The following NELL1 variants were observed in gnomAD, a reference collection of about 807,000 sequenced individuals.
NELL1 encodes the protein neural EGFL like 1.
NELL1 carries 76 observed loss-of-function variants against 107.4 expected under a neutral mutation model. The ratio of observed to expected loss-of-function variants is 0.71; its 90% CI spans 0.59 to 0.86. The LOEUF is 0.86. Among genes scored for constraint, NELL1 ranks in the 40% least tolerant of loss-of-function variants. The probability of loss-of-function intolerance (pLI) is 0.00; values close to 1 mark genes in which losing one functional copy is unlikely to be tolerated. For synonymous variants in NELL1, 353 were observed against 341.2 expected (o/e 1.03, Z -0.38); for missense variants, 1,024 against 1,005.5 (o/e 1.02, Z -0.25).
At chr11:21,248,944 G>C (rs747844744) in intron 14 of NELL1, among the ~76,000 whole-genome samples, 5 of 152,098 alleles carry the variant, frequency 3.3e-5, no homozygotes, top group Non-Finnish European at 5.9e-5. Flanking sequence ...CAGGGAAGAG[G>C]CTGTCTGAGG....
intron 2 of NELL1, among the ~76,000 whole-genome samples, chr11:20,696,617 A>G (rs1035704783): frequency 6.6e-6 from 1 of 152,134 alleles, no homozygotes; most frequent in Admixed American, 6.6e-5. Flanking sequence ...TATAGGTTGT[A>G]AGGAGTGGAC....
chr11:20,975,602 T>TATAA, intron 12 of NELL1, among the ~76,000 whole-genome samples: 1 of 143,786 alleles, frequency 7.0e-6, no homozygotes, highest in African/African-American at 2.6e-5. Flanking sequence ...ATATAATGTA[T>TATAA]TATATATACA....
chr11:21,234,345 G>A (rs1479863579), intron 14 of NELL1, among the ~76,000 whole-genome samples: 1 of 152,132 alleles, frequency 6.6e-6, no homozygotes, highest in Non-Finnish European at 1.5e-5. Flanking sequence ...TTTAGGCTTG[G>A]GGATATTTTT....
At chr11:21,522,581 G>GA (rs1855752867) in intron 15 of NELL1, among the ~76,000 whole-genome samples, 1 of 151,984 alleles carries the variant, frequency 6.6e-6, no homozygotes, top group Non-Finnish European at 1.5e-5. Flanking sequence ...GGTGGGAGGG[G>GA]AGGTGGATGA....
intron 2 of NELL1, among the ~76,000 whole-genome samples, chr11:20,707,102 T>G (rs1854983824): frequency 6.6e-6 from 1 of 152,224 alleles, no homozygotes; most frequent in Non-Finnish European, 1.5e-5. Flanking sequence ...TCGCTTCATT[T>G]CATTCATTTG....
chr11:20,970,938 T>C (rs1851487831), intron 12 of NELL1, among the ~76,000 whole-genome samples: 2 of 152,188 alleles, frequency 1.3e-5, no homozygotes, highest in Admixed American at 1.3e-4. Flanking sequence ...AGTTGTTGTC[T>C]CGATGAATTT....
chr11:21,019,031 T>C (rs1280268297), intron 12 of NELL1, among the ~76,000 whole-genome samples: 1 of 152,024 alleles, frequency 6.6e-6, no homozygotes, highest in African/African-American at 2.4e-5. Context: ...AAAGCTCTAC[T>C]CCCCTGCGGA....
chr11:21,423,366 A>G (rs1372013462), intron 15 of NELL1, among the ~76,000 whole-genome samples: 1 of 151,424 alleles, frequency 6.6e-6, no homozygotes, highest in Admixed American at 6.6e-5. Context: ...GAGACTTCAT[A>G]AAAAAAATTA....
chr11:21,083,270 G>T (rs1035925243), intron 12 of NELL1, among the ~76,000 whole-genome samples: 10 of 152,164 alleles, frequency 6.6e-5, no homozygotes, highest in African/African-American at 2.2e-4. Flanking sequence ...CAGATTGCTG[G>T]GTGTGTGTTA....
At chr11:21,007,617 C>T (rs1309345676) in intron 12 of NELL1, among the ~76,000 whole-genome samples, 1 of 151,898 alleles carries the variant, frequency 6.6e-6, no homozygotes, top group Non-Finnish European at 1.5e-5. Flanking sequence ...AGAAACAAGG[C>T]AGCCAGATTC....
chr11:21,393,592 G>A (rs1170682454), intron 15 of NELL1, among the ~76,000 whole-genome samples: 7 of 151,630 alleles, frequency 4.6e-5, no homozygotes, highest in African/African-American at 1.7e-4. Context: ...TCAAAAAACA[G>A]GGATTTAGTG....
intron 15 of NELL1, among the ~76,000 whole-genome samples, chr11:21,518,577 C>T (rs2133952842): frequency 6.6e-6 from 1 of 152,222 alleles, no homozygotes; most frequent in East Asian, 1.9e-4. Flanking sequence ...AAGCATCATT[C>T]AGAATAGAAT....
chr11:21,486,036 G>A (rs928062616), intron 15 of NELL1, among the ~76,000 whole-genome samples: 33 of 151,960 alleles, frequency 2.2e-4, no homozygotes, highest in Admixed American at 1.8e-3. Flanking sequence ...CTGGGGTTCC[G>A]GTGGGTTGCC....
At chr11:20,993,910 AAT>A (rs1196922221) in intron 12 of NELL1, among the ~76,000 whole-genome samples, 2 of 147,534 alleles carry the variant, frequency 1.4e-5, no homozygotes, top group African/African-American at 2.5e-5. Context: ...AAAAAAAAAA[AAT>A]CAGTACGAAT....
chr11:21,331,329 A>G (rs1263426798), intron 14 of NELL1, among the ~76,000 whole-genome samples: 1 of 151,964 alleles, frequency 6.6e-6, no homozygotes, highest in Non-Finnish European at 1.5e-5. Flanking sequence ...AATATAATGT[A>G]GCAGTGTCCC....
chr11:21,257,594 A>G (rs1348334904), intron 14 of NELL1, among the ~76,000 whole-genome samples: 1 of 152,028 alleles, frequency 6.6e-6, no homozygotes, highest in Non-Finnish European at 1.5e-5. Flanking sequence ...GAGGGGAAGT[A>G]AAGGTGAACT....
intron 12 of NELL1, among the ~76,000 whole-genome samples, chr11:21,041,297 TAACAC>T (rs1465216780): frequency 6.6e-6 from 1 of 152,210 alleles, no homozygotes; most frequent in Non-Finnish European, 1.5e-5. Context: ...CGCTTTGAGT[TAACAC>T]AACATAGTTA....
chr11:21,562,184 C>A (rs1856865519), intron 17 of NELL1, among the ~76,000 whole-genome samples: 1 of 152,020 alleles, frequency 6.6e-6, no homozygotes, highest in African/African-American at 2.4e-5. Context: ...ACTTACTAAT[C>A]ATTGAAAATT....
chr11:20,721,179 G>GTATATATATATATATATATATATATATA (rs1368182153), intron 2 of NELL1, among the ~76,000 whole-genome samples: 54 of 31,942 alleles, frequency 1.7e-3, no homozygotes, highest in Admixed American at 0.01. Context: ...TATATATTTT[G>GTATATATATATATATATATATATATATA]TGTATATATA....
Sources: allele counts gnomAD v4.1 joint callset (sites outside exome capture counted in the v4.1 genomes callset), GRCh38; gene constraint gnomAD v4.1.1; transcripts MANE v1.5; gene names NCBI Gene and HGNC (gene_info 2026-07-23, HGNC 2026-07-21).